PCDH15: variants seen among roughly 807,000 people sequenced by gnomAD.
PCDH15 encodes protocadherin-15.
A neutral mutation model predicts 178.5 loss-of-function variants in PCDH15; 129 were observed. That is an observed-to-expected ratio of 0.72 (90% CI 0.63 to 0.84). PCDH15 has a LOEUF of 0.84. Among genes scored for constraint, PCDH15 ranks in the 40% least tolerant of loss-of-function variants. PCDH15 has a pLI of 0.00. For synonymous variants in PCDH15, 800 were observed against 732.0 expected, an observed-to-expected ratio of 1.09 and a Z score of -1.50; for missense variants, 2,230 against 2,099.9, an observed-to-expected ratio of 1.06 and a Z score of -1.21.
chr10:55,409,603 G>C (rs890767166), intron 2 of PCDH15, among the ~76,000 whole-genome samples: 1 of 151,816 alleles, frequency 6.6e-6, no homozygotes, highest in African/African-American at 2.4e-5. Flanking sequence ...ACCGTTCAGT[G>C]GTTAGAAACA....
chr10:54,715,108 G>A (rs551874353), intron 1 of PCDH15, among the ~76,000 whole-genome samples: 38 of 152,104 alleles, frequency 2.5e-4, no homozygotes, highest in Non-Finnish European at 4.1e-4. Flanking sequence ...TTCCACAAAT[G>A]CAGTAAATAT....
chr10:54,834,282 C>G (rs530904127), intron 3 of PCDH15, among the ~76,000 whole-genome samples: 148 of 151,914 alleles, frequency 9.7e-4, no homozygotes, highest in African/African-American at 3.5e-3. Context: ...CTCCGCCTCC[C>G]AGGTTCAAGT....
chr10:55,308,823 T>C (rs1179864104), intron 1 of PCDH15, among the ~76,000 whole-genome samples: 1 of 152,192 alleles, frequency 6.6e-6, no homozygotes, highest in Non-Finnish European at 1.5e-5. Context: ...CTAAAGACTT[T>C]TGTGGATATT....
chr10:54,048,211 G>C (rs2093694608), intron 18 of PCDH15, among the ~76,000 whole-genome samples: 2 of 152,120 alleles, frequency 1.3e-5, no homozygotes, highest in South Asian at 4.1e-4. Flanking sequence ...GTCTTGAGAA[G>C]TGTCTGCTCA....
intron 2 of PCDH15, among the ~76,000 whole-genome samples, chr10:54,945,779 C>T (rs764449713): frequency 5.9e-5 from 9 of 151,694 alleles, no homozygotes; most frequent in East Asian, 1.9e-4. Flanking sequence ...GGCTGCATTA[C>T]GTTCACATAG....
At chr10:54,027,064 C>A (rs1276986605) in intron 18 of PCDH15, among the ~76,000 whole-genome samples, 8 of 146,186 alleles carry the variant, frequency 5.5e-5, no homozygotes, top group African/African-American at 1.8e-4. Flanking sequence ...CCAAAATCTC[C>A]TTAAGCTGAT....
chr10:54,543,672 A>T (rs2085516683), intron 2 of PCDH15, among the ~76,000 whole-genome samples: 1 of 152,194 alleles, frequency 6.6e-6, no homozygotes, highest in Non-Finnish European at 1.5e-5. Context: ...CAATTAAAAG[A>T]AAGTTGACTA....
chr10:53,991,203 G>A lies in PCDH15; in HGVS notation c.2868+4446C>T, dbSNP rs535875863. The stretch of plus-strand genomic sequence containing the variant: ...CAAGGGCTGAGGAGAGCGGGCGCGC[G>A]GTGCGGGACTGGCAGGCAGCTCTGC... On this transcript the variant is annotated intron_variant, in intron 21 of 37. Transcript: ENST00000644397. Among the ~76,000 whole-genome samples, 34 of 152,280 alleles carry A rather than the reference G, an allele frequency of 2.2e-4. No individual in the cohort carries two copies. The South Asian group carries it at 2.7e-3, about 12-fold the overall frequency.
chr10:55,236,649 T>G (rs1223511092), intron 1 of PCDH15, among the ~76,000 whole-genome samples: 9 of 152,084 alleles, frequency 5.9e-5, no homozygotes, highest in Non-Finnish European at 1.3e-4. Context: ...AAATTCATTC[T>G]GTATTTTGAA....
intron 2 of PCDH15, among the ~76,000 whole-genome samples, chr10:54,988,434 T>C (rs1475481854): frequency 6.6e-6 from 1 of 152,178 alleles, no homozygotes; most frequent in Non-Finnish European, 1.5e-5. Flanking sequence ...TGGGAAAGTT[T>C]GGAACTTCCT....
chr10:54,055,489 T>C (rs2093866417), intron 18 of PCDH15, among the ~76,000 whole-genome samples: 1 of 152,234 alleles, frequency 6.6e-6, no homozygotes, highest in South Asian at 2.1e-4. Context: ...TTTCCAAGTG[T>C]GCCTTCTCTA....
chr10:54,238,192 A>G (rs1376992891), intron 8 of PCDH15, among the ~76,000 whole-genome samples: 1 of 152,126 alleles, frequency 6.6e-6, no homozygotes. Context: ...TTACATTCTA[A>G]AAAATTACTG....
At chr10:53,982,835 A>G (rs983300792) in intron 21 of PCDH15, among the ~76,000 whole-genome samples, 6 of 149,302 alleles carry the variant, frequency 4.0e-5, no homozygotes, top group African/African-American at 1.5e-4. Flanking sequence ...ATAAAAAAAT[A>G]TAAAAAAAGA....
At chr10:53,875,479 A>T (rs947165758) in intron 26 of PCDH15, among the ~76,000 whole-genome samples, 1 of 152,048 alleles carries the variant, frequency 6.6e-6, no homozygotes, top group African/African-American at 2.4e-5. Flanking sequence ...AATTAATATG[A>T]TATTACTTTT....
chr10:54,080,023 A>C (rs1590287331), intron 16 of PCDH15, among the ~76,000 whole-genome samples: 1 of 152,158 alleles, frequency 6.6e-6, no homozygotes, highest in South Asian at 2.1e-4. Flanking sequence ...CTTTATTATA[A>C]CCACATTTAA....
intron 2 of PCDH15, among the ~76,000 whole-genome samples, chr10:54,989,521 TGA>T (rs1219402594): frequency 2.0e-5 from 3 of 152,204 alleles, no homozygotes; most frequent in Non-Finnish European, 4.4e-5. Flanking sequence ...GACCTGGATG[TGA>T]GACATGGAGT....
chr10:54,848,865 T>C (rs1953559751), intron 3 of PCDH15, among the ~76,000 whole-genome samples: 1 of 152,198 alleles, frequency 6.6e-6, no homozygotes, highest in Non-Finnish European at 1.5e-5. Flanking sequence ...AAATGCAGTA[T>C]GTAAGCTGAA....
intron 2 of PCDH15, among the ~76,000 whole-genome samples, chr10:55,106,595 T>C (rs563942306): frequency 6.6e-6 from 1 of 152,190 alleles, no homozygotes. Context: ...TTTATACTTC[T>C]AATAGAGACG....
At chr10:55,218,781 G>C (rs1262531181) in intron 1 of PCDH15, among the ~76,000 whole-genome samples, 1 of 151,950 alleles carries the variant, frequency 6.6e-6, no homozygotes, top group African/African-American at 2.4e-5. Context: ...TCAAATGAGG[G>C]GGAGCTAAGA....
Sources: gnomAD v4.1 joint callset for allele counts (sites outside exome capture counted in the v4.1 genomes callset) on GRCh38, gnomAD v4.1.1 for gene constraint, MANE v1.5 for transcripts, NCBI Gene and HGNC (gene_info 2026-07-23, HGNC 2026-07-21) for gene names.